SSC5D: variants seen among roughly 807,000 people sequenced by gnomAD.
The protein encoded by SSC5D is scavenger receptor cysteine rich family member with 5 domains.
Under a neutral mutation model 104.6 loss-of-function variants are expected in SSC5D, and 106 were observed. The ratio of observed to expected loss-of-function variants is 1.01; its 90% confidence interval spans 0.87 to 1.19. The LOEUF (loss-of-function observed/expected upper bound fraction) is 1.19, where lower values mean the gene tolerates loss of function less well. SSC5D is among the 50% of genes most tolerant of loss of function. SSC5D has a pLI of 0.00. For missense variants in SSC5D, 1,993 were observed against 2,153.8 expected, an observed-to-expected ratio of 0.93 and a Z score of 1.48; for synonymous variants, 860 against 883.5, an observed-to-expected ratio of 0.97 and a Z score of 0.47.
intron 12 of SSC5D, chr19:55,504,227 G>C: frequency 6.5e-7 from 1 of 1,530,702 alleles, no homozygotes; most frequent in South Asian, 1.2e-5. Context: ...CACGTGCCGG[G>C]CACAGCGGCT....
chr19:55,489,057 T>TGTGGGGGGGGGGG, intron 2 of SSC5D, 25 bp downstream of exon 2: 1 of 1,247,976 alleles, frequency 8.0e-7, no homozygotes, highest in Non-Finnish European at 1.0e-6. Context: ...TCCTCCCATC[T>TGTGGGGGGGGGGG]GCCCGCCCCC....
At chr19:55,513,631 C>T (rs752544363) in intron 13 of SSC5D, among the ~76,000 whole-genome samples, 8 of 152,104 alleles carry the variant, frequency 5.3e-5, no homozygotes, top group African/African-American at 9.7e-5. Context: ...CAACTAGGGT[C>T]GATTTTGCCC....
chr19:55,497,496 A>T (rs2123439374), intron 8 of SSC5D, among the ~76,000 whole-genome samples: 1 of 152,348 alleles, frequency 6.6e-6, no homozygotes. Context: ...TACATTCAAA[A>T]TGCTGTACAA....
At chr19:55,505,781 G>A (rs1343923958) in intron 12 of SSC5D, among the ~76,000 whole-genome samples, 2 of 151,806 alleles carry the variant, frequency 1.3e-5, no homozygotes, top group African/African-American at 4.9e-5. Context: ...CTGTCGCCCA[G>A]GCTGGAGTGC....
chr19:55,499,580 A>G (rs567541031), intron 9 of SSC5D, among the ~76,000 whole-genome samples: 4 of 152,292 alleles, frequency 2.6e-5, no homozygotes, highest in South Asian at 4.1e-4. Flanking sequence ...TTATGTCCAG[A>G]TTGTAAATGC....
At position 55,518,741 on chromosome 19, in the gene SSC5D, GC is replaced by G; in HGVS notation, c.4468del (p.Leu1490TrpfsTer8). ...PVRVMACEPP[A>X]LVELVAAVRD... is the part of the protein sequence containing the mutation. ...AAGGGTCATGGCTTGTGAGCCACCTGCCCTGGTGGAGCTGGTGGCTGCTGTG... is the reference window on the plus strand; with the variant it reads ...AAGGGTCATGGCTTGTGAGCCACCTGCCTGGTGGAGCTGGTGGCTGCTGTG... On this transcript the variant is annotated frameshift_variant, in exon 14 of 14. Coordinates refer to ENST00000389623, the MANE Select transcript of SSC5D (RefSeq NM_001144950.2). LOFTEE classifies it high-confidence loss of function. 1 of 1,550,948 alleles carries G rather than the reference GC, an allele frequency of 6.4e-7. No homozygotes were observed. Among genetic ancestry groups the G allele is most frequent in the Non-Finnish European group, 8.7e-7 (1 of 1,146,904 alleles).
rs61748943 is a variant in SSC5D, at chr19:55,498,057, G to A, written c.1565G>A (p.Arg522His). 5.6e-3 allele frequency: 8,688 copies of A among 1,551,748 alleles called. 82 individuals are homozygous for A. Among genetic ancestry groups the A allele is most frequent in the Non-Finnish European group, 5.2e-3 (6,015 of 1,147,002 alleles). ...CAGCAGCCAGACCCTGCTGCTGGCC[G>A]CTTTGGCTGGGGTGCGGGCCCCATC... ...GPQQPDPAAG[R>H]FGWGAGPIWL... The change falls in exon 9 of 14, where the codon CGC becomes CAC. Residue 522 changes from arginine (R) to histidine (H), a missense_variant. By Grantham distance (29) the Arg-to-His change is conservative. Transcript: ENST00000389623.
intron 5 of SSC5D, 138 bp downstream of exon 5, chr19:55,490,546 CG>C (rs1377490658): frequency 8.0e-6 from 5 of 621,750 alleles, no homozygotes; most frequent in Non-Finnish European, 1.4e-5. Context: ...GTCCCTCCCC[CG>C]GGGATTTAGA....
intron 8 of SSC5D, among the ~76,000 whole-genome samples, 186 bp downstream of exon 8, chr19:55,494,969 T>A (rs1261456867): frequency 6.6e-6 from 1 of 151,928 alleles, no homozygotes; most frequent in East Asian, 1.9e-4. Flanking sequence ...GTGTGATAAT[T>A]CTTGAACAAG....
intron 12 of SSC5D, among the ~76,000 whole-genome samples, chr19:55,507,665 C>CAA (rs61340967): frequency 0.022 from 1,664 of 74,446 alleles, 71 homozygotes; most frequent in Middle Eastern, 0.034. Flanking sequence ...GACTCCGTCT[C>CAA]AAAAAAAAAA....
intron 12 of SSC5D, among the ~76,000 whole-genome samples, chr19:55,502,791 G>C (rs1987539376): frequency 6.6e-6 from 1 of 151,742 alleles, no homozygotes; most frequent in African/African-American, 2.4e-5. Context: ...GAATAGCTGG[G>C]ATTACAGATG....
At chr19:55,506,373 ATTTTTTTTTTTTT>A (rs869296361) in intron 12 of SSC5D, among the ~76,000 whole-genome samples, 7 of 72,064 alleles carry the variant, frequency 9.7e-5, no homozygotes, top group East Asian at 4.6e-4. Context: ...TGGAATTTGG[ATTTTTTTTTTTTT>A]TTTTTTTTTT....
At chr19:55,507,653 G>C (rs1169631550) in intron 12 of SSC5D, among the ~76,000 whole-genome samples, 1 of 113,234 alleles carries the variant, frequency 8.8e-6, no homozygotes, top group Non-Finnish European at 1.7e-5. Flanking sequence ...GTGACAGAGC[G>C]AGACTCCGTC....
intron 12 of SSC5D, among the ~76,000 whole-genome samples, chr19:55,511,672 C>T (rs607457): frequency 0.99 from 150,751 of 152,246 alleles, 74,672 homozygotes; most frequent in Non-Finnish European, 1. Flanking sequence ...GCCCTCCTAA[C>T]TCAAGGTCAG....
chr19:55,489,536 G>A lies in SSC5D; in HGVS notation c.235G>A (p.Ala79Thr), dbSNP rs1271137329. 6.7e-7 allele frequency: 1 copy of A among 1,485,470 alleles called. No individual in the cohort carries two copies. Among genetic ancestry groups the A allele is most frequent in the South Asian group, 1.3e-5 (1 of 75,714 alleles). The allele number at this position is 1,485,470 out of a possible 1,614,324, so 92.0% of individuals were successfully genotyped here. A position where few individuals can be genotyped will look rare whatever the true frequency, so the allele number is the denominator to read the frequency against. Reference protein sequence around the residue: ...APGGAFFGEGAGPVWLSELAC... With the variant: ...APGGAFFGEGTGPVWLSELAC... ...GGGAGGCGCCTTCTTCGGGGAGGGG[G>A]CAGGGCCTGTGTGGCTCAGCGAGCT... The change falls in exon 3 of 14, where the codon GCA (alanine) becomes ACA (threonine). Residue 79 changes from alanine (A) to threonine (T), a missense_variant. Ala to Thr is a moderately conservative substitution (Grantham distance 58). This residue lies in a region of SSC5D where 1,101 missense variants were observed against 1,085.0 expected (regional missense o/e 1.01). Coordinates refer to ENST00000389623, the MANE Select transcript of SSC5D (RefSeq NM_001144950.2).
chr19:55,504,133 C>T, intron 12 of SSC5D: 2 of 1,535,464 alleles, frequency 1.3e-6, no homozygotes, highest in South Asian at 2.4e-5. Context: ...AGCGGGAGCT[C>T]CGAGAGGTGA....
chr19:55,490,686 G>A, intron 5 of SSC5D, 86 bp from the exon 6 acceptor site: 6 of 1,398,168 alleles, frequency 4.3e-6, no homozygotes, highest in Non-Finnish European at 5.6e-6. Flanking sequence ...GCTCCCTCAG[G>A]CCTGTTTCCC....
In SSC5D at chr19:55,513,087, C is replaced by A. The variant is rs556555499; in HGVS notation, c.2862C>A (p.Thr954=). The A allele has an allele frequency of 1.3e-6, 2 of 1,550,746 alleles. No individual in the cohort carries two copies. The highest frequency in any genetic ancestry group is 2.4e-5 in the South Asian group (2 of 84,018). Residue 954 remains threonine, a synonymous_variant, in exon 13 of 14, where the codon ACC becomes ACA. Coordinates refer to ENST00000389623, the MANE Select transcript of SSC5D (RefSeq NM_001144950.2). ...GGGGCCTGGCTGAGGGGACCCCTACCGCAGGCAAACTAGGACCAACTCTTG... is the reference window on the plus strand; with the variant it reads ...GGGGCCTGGCTGAGGGGACCCCTACAGCAGGCAAACTAGGACCAACTCTTG... The part of the protein sequence containing the change: ...SGRGLAEGTP[T]AGKLGPTLGA...
chr19:55,515,438 G>GA (rs1987850464), intron 13 of SSC5D, among the ~76,000 whole-genome samples: 1 of 138,224 alleles, frequency 7.2e-6, no homozygotes, highest in African/African-American at 2.7e-5. Context: ...TTAACACTTT[G>GA]AAAATGAAAC....
Sources: allele counts gnomAD v4.1 joint callset (sites outside exome capture counted in the v4.1 genomes callset), GRCh38; gene constraint gnomAD v4.1.1; regional missense constraint gnomAD v4.1.1; transcripts MANE v1.5; gene names NCBI Gene and HGNC (gene_info 2026-07-23, HGNC 2026-07-21).